The following SLC9C1 variants were observed in gnomAD, a reference collection of about 807,000 sequenced individuals.
SLC9C1 encodes the protein sodium/hydrogen exchanger 10.
Under a neutral mutation model 140.9 loss-of-function variants are expected in SLC9C1, and 97 were observed. The ratio of observed to expected loss-of-function variants is 0.69; its 90% CI spans 0.58 to 0.82. SLC9C1 has a LOEUF of 0.82. Among genes scored for constraint, SLC9C1 ranks in the 40% least tolerant of loss-of-function variants. The pLI, the probability that SLC9C1 is intolerant of heterozygous loss-of-function variation, is 0.00. For synonymous variants in SLC9C1, 440 were observed against 442.6 expected (o/e 0.99, Z 0.07); for missense variants, 1,340 against 1,389.3 (o/e 0.96, Z 0.56).
intron 11 of SLC9C1, among the ~76,000 whole-genome samples, chr3:112,240,779 G>A (rs1277598737): frequency 1.3e-5 from 2 of 152,092 alleles, no homozygotes; most frequent in Non-Finnish European, 2.9e-5. Context: ...CTATCTTTTT[G>A]TTCTAGAATA....
chr3:112,289,300 C>T (rs1468974617), intron 1 of SLC9C1, among the ~76,000 whole-genome samples: 1 of 152,092 alleles, frequency 6.6e-6, no homozygotes, highest in Non-Finnish European at 1.5e-5. Context: ...TAGAAATAAC[C>T]TATTAGAGGA....
At chr3:112,186,686 C>A (rs2077547216) in intron 20 of SLC9C1, among the ~76,000 whole-genome samples, 1 of 152,144 alleles carries the variant, frequency 6.6e-6, no homozygotes, top group South Asian at 2.1e-4. Flanking sequence ...GGAAGACACA[C>A]ACAATCATGT....
At chr3:112,203,050 A>G (rs2077948790) in intron 17 of SLC9C1, among the ~76,000 whole-genome samples, 1 of 152,008 alleles carries the variant, frequency 6.6e-6, no homozygotes, top group Non-Finnish European at 1.5e-5. Flanking sequence ...CTCAAGTATC[A>G]CCTAATAAAT....
At chr3:112,229,443 T>A (rs2078763538) in intron 13 of SLC9C1, among the ~76,000 whole-genome samples, 1 of 152,140 alleles carries the variant, frequency 6.6e-6, no homozygotes, top group East Asian at 1.9e-4. Context: ...TTGTGCCTCA[T>A]AAATATGTAT....
intron 23 of SLC9C1, among the ~76,000 whole-genome samples, chr3:112,171,138 C>T (rs561819293): frequency 1.9e-4 from 29 of 151,964 alleles, no homozygotes; most frequent in African/African-American, 5.8e-4. Flanking sequence ...CACTTGAATC[C>T]GGGAGGCGGA....
At chr3:112,238,417 T>C (rs1406554530) in intron 12 of SLC9C1, among the ~76,000 whole-genome samples, 2 of 152,234 alleles carry the variant, frequency 1.3e-5, no homozygotes, top group Non-Finnish European at 2.9e-5. Flanking sequence ...CTCCTTTAGC[T>C]TGGAGATGTT....
intron 16 of SLC9C1, among the ~76,000 whole-genome samples, chr3:112,207,596 G>A (rs2108060970): frequency 6.6e-6 from 1 of 152,258 alleles, no homozygotes; most frequent in Middle Eastern, 3.4e-3. Context: ...GTCATTGGAA[G>A]TAGTGTTCCT....
intron 6 of SLC9C1, among the ~76,000 whole-genome samples, chr3:112,270,646 T>G (rs959442097): frequency 2.0e-5 from 3 of 152,168 alleles, no homozygotes; most frequent in Non-Finnish European, 4.4e-5. Flanking sequence ...CGAAATCCCA[T>G]CTCTATTAAA....
At chr3:112,224,866 C>T (rs1333789566) in intron 13 of SLC9C1, among the ~76,000 whole-genome samples, 1 of 151,422 alleles carries the variant, frequency 6.6e-6, no homozygotes, top group African/African-American at 2.4e-5. Context: ...CCAAAGAACC[C>T]AAGAGAGCTC....
At chr3:112,168,830 G>C in intron 25 of SLC9C1, 47 bp downstream of exon 25, 1 of 1,458,900 alleles carries the variant, frequency 6.9e-7, no homozygotes. Context: ...ATACATTGTT[G>C]GACATATGGC....
intron 15 of SLC9C1, among the ~76,000 whole-genome samples, chr3:112,217,222 G>A (rs572047384): frequency 1.3e-5 from 2 of 152,218 alleles, no homozygotes; most frequent in East Asian, 3.9e-4. Flanking sequence ...AGGGGAGGGG[G>A]GAAGGATAGC....
chr3:112,144,673 G>T (rs1178921057), intron 28 of SLC9C1, among the ~76,000 whole-genome samples: 1 of 152,050 alleles, frequency 6.6e-6, no homozygotes, highest in Non-Finnish European at 1.5e-5. Context: ...CTCCTTGGTT[G>T]CATGTATTCC....
chr3:112,149,661 C>T (rs2074902824), intron 28 of SLC9C1, among the ~76,000 whole-genome samples: 1 of 152,034 alleles, frequency 6.6e-6, no homozygotes, highest in Non-Finnish European at 1.5e-5. Context: ...TTCCAAATGC[C>T]TGGAGGTCTG....
At chr3:112,200,827 T>A in intron 18 of SLC9C1, 65 bp from the exon 19 acceptor site, 1 of 1,371,572 alleles carries the variant, frequency 7.3e-7, no homozygotes, top group Non-Finnish European at 1.0e-6. Context: ...TCCTTACATT[T>A]GCAACTGATG....
At chr3:112,193,414 A>G (rs2077704967) in intron 20 of SLC9C1, among the ~76,000 whole-genome samples, 1 of 152,160 alleles carries the variant, frequency 6.6e-6, no homozygotes. Context: ...CATATCTTTC[A>G]GCAGAGGCTT....
intron 15 of SLC9C1, among the ~76,000 whole-genome samples, chr3:112,212,908 A>G (rs536588647): frequency 6.6e-6 from 1 of 152,372 alleles, no homozygotes; most frequent in African/African-American, 2.4e-5. Context: ...TAATTGTCAG[A>G]TCCACCAAAG....
intron 2 of SLC9C1, among the ~76,000 whole-genome samples, chr3:112,282,106 G>A (rs945305381): frequency 1.3e-5 from 2 of 152,170 alleles, no homozygotes; most frequent in Non-Finnish European, 2.9e-5. Flanking sequence ...TTACACCTGA[G>A]AGGTACAAAA....
intron 26 of SLC9C1, among the ~76,000 whole-genome samples, chr3:112,164,249 A>G (rs911613926): frequency 2.0e-5 from 3 of 150,708 alleles, no homozygotes; most frequent in Admixed American, 2.0e-4. Context: ...GTGTCTTTTA[A>G]TTGGAGCACT....
chr3:112,190,050 A>T (rs947268861), intron 20 of SLC9C1, among the ~76,000 whole-genome samples: 1 of 152,142 alleles, frequency 6.6e-6, no homozygotes, highest in African/African-American at 2.4e-5. Context: ...TTATTTGTGT[A>T]TATGAATGCT....
Sources: allele counts gnomAD v4.1 joint callset (sites outside exome capture counted in the v4.1 genomes callset), GRCh38; gene constraint gnomAD v4.1.1; transcripts MANE v1.5; gene names NCBI Gene and HGNC (gene_info 2026-07-23, HGNC 2026-07-21).